The following CRLS1 variants were observed in gnomAD, a reference collection of about 807,000 sequenced individuals.
The protein encoded by CRLS1 is cardiolipin synthase (CMP-forming).
CRLS1 carries 24 observed loss-of-function variants against 37.0 expected under a neutral mutation model. That is an observed-to-expected ratio of 0.65 (90% confidence interval 0.47 to 0.91). The LOEUF (loss-of-function observed/expected upper bound fraction) is 0.91. Among genes scored for constraint, CRLS1 ranks in the 40% least tolerant of loss-of-function variants. The pLI is 0.00. For synonymous variants in CRLS1, 135 were observed against 159.7 expected, an observed-to-expected ratio of 0.85 and a Z score of 1.17; for missense variants, 373 against 395.8, an observed-to-expected ratio of 0.94 and a Z score of 0.49.
chr20:6,031,351 A>G lies in CRLS1; in HGVS notation c.641A>G (p.Tyr214Cys), dbSNP rs775765795. ...MLIAAVFYVR[Y>C]RTLPTPRTLA... Reference sequence around the variant, plus strand: ...ATTGCTGCTGTTTTTTATGTCAGATACCGAACTCTTCCAACACCAGTGAGT... The same window carrying G: ...ATTGCTGCTGTTTTTTATGTCAGATGCCGAACTCTTCCAACACCAGTGAGT... Residue 214 changes from tyrosine to cysteine, a missense_variant, in exon 4 of 7, where the codon TAC (tyrosine) becomes TGC (cysteine). By Grantham distance (194) the Tyr-to-Cys change is radical (BLOSUM62 -2). Transcript: ENST00000378863. The G allele has an allele frequency of 1.6e-5, 26 of 1,608,970 alleles. No individual in the cohort carries two copies. Among genetic ancestry groups the G allele is most frequent in the Admixed American group, 1.3e-4 (8 of 59,374 alleles).
intron 1 of CRLS1, among the ~76,000 whole-genome samples, chr20:6,008,726 T>C (rs1234672085): frequency 1.3e-5 from 2 of 152,234 alleles, no homozygotes; most frequent in Non-Finnish European, 2.9e-5. Flanking sequence ...AAATCTGTTT[T>C]TGTTCTCTTC....
rs1216703503 is a variant in CRLS1, at chr20:6,039,770, CAGAG to C, written c.*2618_*2621del. ...AAAAAAAAAAAAAAGGAAATGTGAA[CAGAG>C]AGAGAATGCCGTGAGATGATGGAGG... On this transcript the variant is annotated 3_prime_UTR_variant, in exon 7 of 7. Coordinates refer to ENST00000378863, the MANE Select transcript of CRLS1 (RefSeq NM_019095.6). The C allele has an allele frequency of 7.5e-5, 11 of 147,164 alleles. No homozygotes were observed. Among genetic ancestry groups the C allele is most frequent in the African/African-American group, 2.5e-4 (10 of 39,622 alleles). The allele number at this position is 147,164 out of a possible 1,614,324, so 9.1% of individuals were successfully genotyped here.
chr20:6,021,065 CTTTTT>C (rs148717152), intron 3 of CRLS1, among the ~76,000 whole-genome samples: 2 of 114,344 alleles, frequency 1.7e-5, no homozygotes, highest in Non-Finnish European at 1.8e-5. Context: ...TGTTTTGTAT[CTTTTT>C]TTTTTTTTTT....
intron 3 of CRLS1, among the ~76,000 whole-genome samples, chr20:6,026,583 C>T (rs559053767): frequency 1.1e-4 from 17 of 152,024 alleles, no homozygotes; most frequent in African/African-American, 3.6e-4. Context: ...TTGTTTGTTT[C>T]GGCCTCTCTT....
At chr20:6,026,392 G>T (rs1278699547) in intron 3 of CRLS1, among the ~76,000 whole-genome samples, 2 of 151,972 alleles carry the variant, frequency 1.3e-5, no homozygotes, top group Non-Finnish European at 2.9e-5. Flanking sequence ...ATGGATTATA[G>T]TGTAGACATA....
Position 6,006,316 on chromosome 20 carries a change from C to G in CRLS1, c.70C>G (p.Arg24Gly). 1 of 1,332,898 alleles carries G rather than the reference C, an allele frequency of 7.5e-7. No individual in the cohort carries two copies. The highest frequency in any genetic ancestry group is 1.5e-5 in the African/African-American group (1 of 65,920). 82.6% of individuals were successfully genotyped at this position (1,332,898 alleles called of 1,614,324 possible). Residue 24 changes from arginine (R) to glycine (G), a missense_variant, in exon 1 of 7, where the codon CGG (arginine) becomes GGG (glycine). Transcript: ENST00000378863. ...LRGAAWAPGT[R>G]PSKRRACWAL... is the part of the protein sequence containing the mutation. ...CGGCGCCGCTTGGGCTCCGGGAACG[C>G]GGCCGAGTAAGCGACGCGCCTGCTG...
At chr20:6,018,602 T>G (rs533792644) in intron 3 of CRLS1, among the ~76,000 whole-genome samples, 5 of 152,188 alleles carry the variant, frequency 3.3e-5, no homozygotes, top group Admixed American at 1.3e-4. Context: ...TTCACTTCTG[T>G]TGGGAGTTTA....
At chr20:6,032,101 T>C in intron 5 of CRLS1, 21 bp downstream of exon 5, 1 of 1,570,620 alleles carries the variant, frequency 6.4e-7, no homozygotes, top group Non-Finnish European at 8.8e-7. Flanking sequence ...GCAATGTTCT[T>C]TGAAGTTATT....
At position 6,006,409 on chromosome 20, in the gene CRLS1, G is replaced by A. The variant is rs1392230191; in HGVS notation, c.163G>A (p.Ala55Thr). Residue 55 changes from alanine to threonine, a missense_variant, in exon 1 of 7, where the codon GCT (alanine) becomes ACT (threonine). Transcript: ENST00000378863. ...CGAACGCTGGAGGCTGCGTCCGGCC[G>A]CTCTTGGCTTGCGGCTGCCCGGGAT... The part of the protein sequence containing the change: ...LAERWRLRPA[A>T]LGLRLPGIGQ... 1 of 1,408,138 alleles carries A rather than the reference G, an allele frequency of 7.1e-7. No individual in the cohort carries two copies. Among genetic ancestry groups the A allele is most frequent in the Non-Finnish European group, 9.3e-7 (1 of 1,079,832 alleles). The allele number at this position is 1,408,138 out of a possible 1,614,324, so 87.2% of individuals were successfully genotyped here.
At position 6,039,109 on chromosome 20, in the gene CRLS1, T is replaced by C. The variant is rs1373003732; in HGVS notation, c.*1951T>C. 1.3e-5 allele frequency: 2 copies of C among 152,236 alleles called. No homozygotes were observed. The highest frequency in any genetic ancestry group is 6.5e-5 in the Admixed American group (1 of 15,294). 9.4% of individuals were successfully genotyped at this position (152,236 alleles called of 1,614,324 possible). A position where few individuals can be genotyped will look rare whatever the true frequency, so the allele number is the denominator to read the frequency against. On this transcript the variant is annotated 3_prime_UTR_variant, in exon 7 of 7. Transcript: ENST00000378863. Reference sequence around the variant, plus strand: ...GCTTAAAGCATTAGTGTCATTTAATTACATGTCTGAGGAATTTATGCTAAC... The same window carrying C: ...GCTTAAAGCATTAGTGTCATTTAATCACATGTCTGAGGAATTTATGCTAAC...
chr20:6,014,999 G>A (rs965560485), intron 2 of CRLS1, among the ~76,000 whole-genome samples: 9 of 152,054 alleles, frequency 5.9e-5, no homozygotes, highest in Non-Finnish European at 8.8e-5. Flanking sequence ...AGGCTCTGCC[G>A]TTCATGCTTT....
At chr20:6,036,930 T>C in intron 6 of CRLS1, 144 bp from the exon 7 acceptor site, 1 of 566,298 alleles carries the variant, frequency 1.8e-6, no homozygotes, top group Non-Finnish European at 3.1e-6. Context: ...CTCTTGTAGT[T>C]AAGAAAAATT....
At chr20:6,013,142 T>TATAG (rs896731940) in intron 2 of CRLS1, among the ~76,000 whole-genome samples, 1 of 152,162 alleles carries the variant, frequency 6.6e-6, no homozygotes, top group Admixed American at 6.5e-5. Flanking sequence ...TCTATGTGTA[T>TATAG]ATAGATAGAT....
chr20:6,022,149 T>C (rs1424703955), intron 3 of CRLS1, among the ~76,000 whole-genome samples: 1 of 152,206 alleles, frequency 6.6e-6, no homozygotes, highest in African/African-American at 2.4e-5. Flanking sequence ...TGGAATTATT[T>C]TTAATGTAGG....
At chr20:6,007,951 T>C (rs1204978290) in intron 1 of CRLS1, among the ~76,000 whole-genome samples, 1 of 152,240 alleles carries the variant, frequency 6.6e-6, no homozygotes, top group Admixed American at 6.5e-5. Flanking sequence ...CTTCGGATAA[T>C]TTGAAGTTTT....
At chr20:6,014,205 CTG>C (rs1305132386) in intron 2 of CRLS1, among the ~76,000 whole-genome samples, 1 of 152,188 alleles carries the variant, frequency 6.6e-6, no homozygotes, top group Non-Finnish European at 1.5e-5. Flanking sequence ...TAATTTATCT[CTG>C]TTTTACAGAT....
chr20:6,026,113 C>G (rs1979666769), intron 3 of CRLS1: 1 of 152,132 alleles, frequency 6.6e-6, no homozygotes, highest in Non-Finnish European at 1.5e-5. Flanking sequence ...ACAGCGAAAT[C>G]TTTTATGAAA....
intron 1 of CRLS1, among the ~76,000 whole-genome samples, chr20:6,007,623 G>T (rs370613173): frequency 2.6e-5 from 4 of 152,086 alleles, no homozygotes; most frequent in African/African-American, 9.7e-5. Context: ...CTTTAATTTT[G>T]CCCTGTGGAT....
intron 3 of CRLS1, among the ~76,000 whole-genome samples, chr20:6,029,696 C>T (rs750127040): frequency 1.6e-4 from 24 of 152,158 alleles, no homozygotes; most frequent in Non-Finnish European, 2.9e-4. Flanking sequence ...TAGATTTTGC[C>T]AGCTAATGAT....
Sources: allele counts gnomAD v4.1 joint callset (sites outside exome capture counted in the v4.1 genomes callset), GRCh38; gene constraint gnomAD v4.1.1; transcripts MANE v1.5; gene names NCBI Gene and HGNC (gene_info 2026-07-23, HGNC 2026-07-21).